The following FARP1 variants were observed in gnomAD, a reference collection of about 807,000 sequenced individuals.
The protein encoded by FARP1 is FERM, ARHGEF and pleckstrin domain-containing protein 1.
Under a neutral mutation model 128.8 loss-of-function variants are expected in FARP1, and 52 were observed. The observed-to-expected ratio is 0.40, with a 90% CI of 0.32 to 0.51. The LOEUF (loss-of-function observed/expected upper bound fraction) is 0.51. Ranked by LOEUF, FARP1 falls within the 20% of genes least tolerant of loss-of-function variation. FARP1 has a pLI of 0.45. For missense variants in FARP1, 1,333 were observed against 1,367.9 expected, an observed-to-expected ratio of 0.97 and a Z score of 0.40; for synonymous variants, 580 against 551.8, an observed-to-expected ratio of 1.05 and a Z score of -0.72.
chr13:98,425,009 C>T (rs560118699), intron 17 of FARP1, among the ~76,000 whole-genome samples: 22 of 152,050 alleles, frequency 1.4e-4, no homozygotes, highest in East Asian at 7.7e-4. Flanking sequence ...TTGGACACCC[C>T]GGTCTAATCT....
In FARP1 at chr13:98,322,541, T is replaced by TGTCAGTGCTCCTTAGCC. The variant is rs71709230; in HGVS notation, c.172-21202_172-21186dup. Reference sequence around the variant, plus strand: ...ATGCTGCACCATCATCCCTCTCACTTGTCAGTGCTCCTTAGCCGTCAGTGC... The same window carrying TGTCAGTGCTCCTTAGCC: ...ATGCTGCACCATCATCCCTCTCACTTGTCAGTGCTCCTTAGCCGTCAGTGCTCCTTAGCCGTCAGTGC... On this transcript the variant is annotated intron_variant, in intron 2 of 26. Coordinates refer to ENST00000319562, the MANE Select transcript of FARP1 (RefSeq NM_005766.4). Among the ~76,000 whole-genome samples the TGTCAGTGCTCCTTAGCC allele has an allele frequency of 1.9e-4, 29 of 151,704 alleles. No homozygotes were observed. The East Asian group carries it at 3.7e-3, about 19-fold the overall frequency.
At chr13:98,413,658 T>G (rs1891270612) in intron 16 of FARP1, among the ~76,000 whole-genome samples, 2 of 152,162 alleles carry the variant, frequency 1.3e-5, no homozygotes, top group South Asian at 4.1e-4. Flanking sequence ...AGACCCTGTC[T>G]CCAAAATTAA....
At chr13:98,224,863 C>A (rs1881667815) in intron 2 of FARP1, among the ~76,000 whole-genome samples, 1 of 152,190 alleles carries the variant, frequency 6.6e-6, no homozygotes, top group South Asian at 2.1e-4. Context: ...ACCTCAGGCT[C>A]TCTTCCTCTG....
At chr13:98,250,901 T>C (rs1386889278) in intron 2 of FARP1, among the ~76,000 whole-genome samples, 1 of 152,146 alleles carries the variant, frequency 6.6e-6, no homozygotes, top group Non-Finnish European at 1.5e-5. Context: ...CTGCATGATT[T>C]GGTTTGTAAA....
At chr13:98,226,116 A>AAG (rs1881748452) in intron 2 of FARP1, among the ~76,000 whole-genome samples, 1 of 152,216 alleles carries the variant, frequency 6.6e-6, no homozygotes, top group South Asian at 2.1e-4. Flanking sequence ...GGGTGGCTTG[A>AAG]AGAATCTCAG....
chr13:98,296,972 A>G (rs1338700010), intron 2 of FARP1, among the ~76,000 whole-genome samples: 2 of 152,144 alleles, frequency 1.3e-5, no homozygotes, highest in Non-Finnish European at 2.9e-5. Flanking sequence ...GCCCTAAATG[A>G]CTTTTTAAAT....
rs79507189 is a variant in FARP1 at position 98,453,496 on chromosome 13, C to T, written c.*5179C>T. 7,777 of 380,404 alleles carry T rather than the reference C, an allele frequency of 0.02. 116 individuals carry two copies. The highest frequency in any genetic ancestry group is 0.028 in the Non-Finnish European group (5,853 of 212,568). 23.6% of individuals were successfully genotyped at this position (380,404 alleles called of 1,614,324 possible). A position where few individuals can be genotyped will look rare whatever the true frequency, so the allele number is the denominator to read the frequency against. Reference sequence around the variant, plus strand: ...CGGGAAATCATATCCCTTTTACTTACGATCAATTGTCAAAAAGTGAACATT... The same window carrying T: ...CGGGAAATCATATCCCTTTTACTTATGATCAATTGTCAAAAAGTGAACATT... On this transcript the variant is annotated 3_prime_UTR_variant, in exon 27 of 27. Transcript: ENST00000319562.
chr13:98,402,276 T>G (rs1482064691), intron 13 of FARP1: 3 of 152,198 alleles, frequency 2.0e-5, no homozygotes, highest in Non-Finnish European at 4.4e-5. Flanking sequence ...CCAAGGACGC[T>G]AAGGAGGGAG....
chr13:98,442,042 G>A (rs1022578237), intron 24 of FARP1, among the ~76,000 whole-genome samples: 1 of 152,186 alleles, frequency 6.6e-6, no homozygotes, highest in Non-Finnish European at 1.5e-5. Context: ...ACTGGCAGTG[G>A]AAGCTGCCCT....
intron 1 of FARP1, among the ~76,000 whole-genome samples, chr13:98,164,164 T>C (rs1877080790): frequency 6.6e-6 from 1 of 152,238 alleles, no homozygotes; most frequent in African/African-American, 2.4e-5. Flanking sequence ...CATGTAAGAT[T>C]GTGCAGGAAA....
chr13:98,213,451 AG>A (rs1417540936), intron 2 of FARP1, 38 bp downstream of exon 2: 1 of 1,600,444 alleles, frequency 6.2e-7, no homozygotes, highest in South Asian at 1.1e-5. Context: ...GGAGTGTGGT[AG>A]GGGACAGCCT....
intron 2 of FARP1, among the ~76,000 whole-genome samples, chr13:98,314,872 A>G (rs1433476830): frequency 2.0e-5 from 3 of 152,174 alleles, no homozygotes; most frequent in Middle Eastern, 3.2e-3. Context: ...TATTGTATGT[A>G]TGTATTGTTG....
At chr13:98,398,078 C>G (rs963876618) in intron 13 of FARP1, 7 of 152,180 alleles carry the variant, frequency 4.6e-5, no homozygotes, top group African/African-American at 1.4e-4. Flanking sequence ...GCTTAGGACA[C>G]TGAGTAGAAT....
chr13:98,363,620 A>T (rs11620263), intron 3 of FARP1, among the ~76,000 whole-genome samples: 30,950 of 152,138 alleles, frequency 0.2, 3,960 homozygotes, highest in Non-Finnish European at 0.29. Context: ...CGCTCCTATA[A>T]TTAAGAGATT....
rs371289676 is a variant in FARP1, at chr13:98,440,119, C to T, written c.2517-4C>T. 1.2e-6 allele frequency: 2 copies of T among 1,613,196 alleles called. No individual in the cohort carries two copies. The highest frequency in any genetic ancestry group is 2.2e-5 in the South Asian group (2 of 91,054). On this transcript the variant is annotated splice_polypyrimidine_tract_variant and splice_region_variant and intron_variant, in intron 22 of 26. Coordinates refer to ENST00000319562, the MANE Select transcript of FARP1 (RefSeq NM_005766.4). ...CTGAACACCTGACGCGTCTCTGTCT[C>T]CAGTTCTCGGTCCGAGATGGAGAAG...
At chr13:98,150,428 T>C (rs1875913782) in intron 1 of FARP1, among the ~76,000 whole-genome samples, 1 of 152,242 alleles carries the variant, frequency 6.6e-6, no homozygotes, top group Non-Finnish European at 1.5e-5. Flanking sequence ...AATGTCATCT[T>C]ATAGTTGTAG....
At chr13:98,443,230 GAA>G (rs1892600960) in intron 24 of FARP1, among the ~76,000 whole-genome samples, 1 of 152,228 alleles carries the variant, frequency 6.6e-6, no homozygotes, top group African/African-American at 2.4e-5. Context: ...GCCTTTTGAG[GAA>G]AAGTTTGCTG....
rs554725163 is a variant in FARP1, at chr13:98,239,956, G to T, written c.171+26543G>T. Among the ~76,000 whole-genome samples the T allele has an allele frequency of 9.9e-5, 15 of 152,256 alleles. No homozygotes were observed. The East Asian group carries it at 1.2e-3, about 12-fold the overall frequency. On this transcript the variant is annotated intron_variant, in intron 2 of 26. Transcript: ENST00000319562. The stretch of plus-strand genomic sequence containing the variant: ...GGGCAGGTAACTTCATCAGGAAGAC[G>T]GCTACCTCTCTTCTCCAGAGAGCGA...
At chr13:98,319,945 C>G (rs773228237) in intron 2 of FARP1, among the ~76,000 whole-genome samples, 31 of 152,046 alleles carry the variant, frequency 2.0e-4, no homozygotes, top group Non-Finnish European at 4.1e-4. Context: ...AAATGAAGAA[C>G]AACCTTGAGG....
Sources: allele counts gnomAD v4.1 joint callset (sites outside exome capture counted in the v4.1 genomes callset), GRCh38; gene constraint gnomAD v4.1.1; transcripts MANE v1.5; gene names NCBI Gene and HGNC (gene_info 2026-07-23, HGNC 2026-07-21).